FKBP15: variants seen among roughly 807,000 people sequenced by gnomAD.
The protein encoded by FKBP15 is FKBP prolyl isomerase family member 15.
FKBP15 carries 106 observed loss-of-function variants against 158.1 expected under a neutral mutation model. That is an observed-to-expected ratio of 0.67 (90% CI 0.57 to 0.79). FKBP15 has a LOEUF of 0.79. Ranked by LOEUF, FKBP15 falls within the 30% of genes least tolerant of loss-of-function variation. FKBP15 has a pLI of 0.00. For synonymous variants in FKBP15, 547 were observed against 548.6 expected, an observed-to-expected ratio of 1.00 and a Z score of 0.04; for missense variants, 1,287 against 1,479.1, an observed-to-expected ratio of 0.87 and a Z score of 2.13.
At position 113,184,654 on chromosome 9, in the gene FKBP15, C is replaced by T. The variant is rs371717818; in HGVS notation, c.1608+41G>A. 1.3e-6 allele frequency: 2 copies of T among 1,499,520 alleles called. No individual in the cohort carries two copies. The highest frequency in any genetic ancestry group is 1.4e-5 in the African/African-American group (1 of 72,844). 92.9% of individuals were successfully genotyped at this position (1,499,520 alleles called of 1,614,324 possible). A position where few individuals can be genotyped will look rare whatever the true frequency, so the allele number is the denominator to read the frequency against. On this transcript the variant is annotated intron_variant, in intron 16 of 27. Coordinates refer to ENST00000238256, the MANE Select transcript of FKBP15 (RefSeq NM_015258.2). The surrounding 1 kb of genome is among the most constrained non-coding windows in gnomAD (Gnocchi z 4.5). ...TACAGTTCTGGCTGCTCCCTGTTTACATCCCCACTTTCAACATCACCCCAA... is the reference window on the plus strand; with the variant it reads ...TACAGTTCTGGCTGCTCCCTGTTTATATCCCCACTTTCAACATCACCCCAA...
At position 113,184,444 on chromosome 9, in the gene FKBP15, GAAGA is replaced by G; in HGVS notation, c.1609-49_1609-46del. On this transcript the variant is annotated intron_variant, in intron 16 of 27. Transcript: ENST00000238256. The surrounding 1 kb of genome is among the most constrained non-coding windows in gnomAD (Gnocchi z 4.5). ...AAGACCTTGTGAGAAATTATAAAAT[GAAGA>G]AATACAATTTACCCAAGATTTGACC... 1 of 1,426,046 alleles carries G rather than the reference GAAGA, an allele frequency of 7.0e-7. No individual in the cohort carries two copies. The highest frequency in any genetic ancestry group is 9.7e-7 in the Non-Finnish European group (1 of 1,030,166). The allele number at this position is 1,426,046 out of a possible 1,614,324, so 88.3% of individuals were successfully genotyped here. A position where few individuals can be genotyped will look rare whatever the true frequency, so the allele number is the denominator to read the frequency against.
chr9:113,180,948 C>A (rs991891026), intron 19 of FKBP15, among the ~76,000 whole-genome samples: 1 of 152,188 alleles, frequency 6.6e-6, no homozygotes, highest in South Asian at 2.1e-4. Context: ...GGACCTTGCC[C>A]ATCTCCCTTT....
intron 14 of FKBP15, chr9:113,186,654 A>G (rs557335640): frequency 2.4e-4 from 70 of 297,596 alleles, no homozygotes; most frequent in Admixed American, 6.7e-4. Context: ...TTCATTCCCC[A>G]TTATCAGGCC....
At chr9:113,220,446 T>C (rs1195634216) in intron 1 of FKBP15, among the ~76,000 whole-genome samples, 1 of 152,208 alleles carries the variant, frequency 6.6e-6, no homozygotes, top group Non-Finnish European at 1.5e-5. Flanking sequence ...CAGGCTGGTA[T>C]ATATTAATAT....
At position 113,218,377 on chromosome 9, in the gene FKBP15, TTATATATA is replaced by T. The variant is rs10539484; in HGVS notation, c.53+2806_53+2813del. Among the ~76,000 whole-genome samples the T allele has an allele frequency of 2.5e-3, 252 of 101,490 alleles. 1 individual carries two copies. The highest frequency in any genetic ancestry group is 6.3e-3 in the African/African-American group (163 of 25,786). The allele number at this position is 101,490 out of a possible 152,430, so 66.6% of individuals were successfully genotyped here. ...ACCTCATAGAGAGGAGTAAATACAA[TTATATATA>T]TATATATATATATATATATATATAT... On this transcript the variant is annotated intron_variant, in intron 1 of 27. Coordinates refer to ENST00000238256, the MANE Select transcript of FKBP15 (RefSeq NM_015258.2).
intron 1 of FKBP15, among the ~76,000 whole-genome samples, chr9:113,213,270 G>A (rs768883516): frequency 2.6e-5 from 4 of 152,086 alleles, no homozygotes; most frequent in Non-Finnish European, 5.9e-5. Flanking sequence ...TTAGCCGGGC[G>A]TGGTGGCACG....
intron 23 of FKBP15, among the ~76,000 whole-genome samples, chr9:113,172,742 C>T (rs906071870): frequency 1.3e-5 from 2 of 152,192 alleles, no homozygotes; most frequent in African/African-American, 2.4e-5. Context: ...AAACATTCAG[C>T]ATTAACAGCA....
chr9:113,176,395 C>T (rs1587953451), intron 21 of FKBP15, 142 bp downstream of exon 21: 6 of 888,652 alleles, frequency 6.8e-6, no homozygotes, highest in South Asian at 5.8e-5. Context: ...GAGATTAGAG[C>T]GGGGAAAATT....
intron 6 of FKBP15, among the ~76,000 whole-genome samples, chr9:113,202,246 T>C (rs1830806023): frequency 6.6e-6 from 1 of 152,214 alleles, no homozygotes; most frequent in Non-Finnish European, 1.5e-5. Context: ...TTTTATTTAT[T>C]CCTTAAGATA....
chr9:113,170,587 C>T lies in FKBP15; in HGVS notation c.2701G>A (p.Glu901Lys). The change falls in exon 25 of 28, where the codon GAG (glutamate) becomes AAG (lysine). Residue 901 changes from glutamate (E) to lysine (K), a missense_variant. By Grantham distance (56) the Glu-to-Lys change is moderately conservative. Transcript: ENST00000238256. Reference sequence around the variant, plus strand: ...TTGTAAGATTCCTCCAGCTCAAACTCTCTCCGTAAGGACTGGAACACCTGG... The same window carrying T: ...TTGTAAGATTCCTCCAGCTCAAACTTTCTCCGTAAGGACTGGAACACCTGG... ...MNQVFQSLRR[E>K]FELEESYNGR... 6.2e-7 allele frequency: 1 copy of T among 1,613,904 alleles called. No individual in the cohort carries two copies. The highest frequency in any genetic ancestry group is 8.5e-7 in the Non-Finnish European group (1 of 1,179,790).
intron 27 of FKBP15, 148 bp from the exon 28 acceptor site, chr9:113,166,303 C>G (rs1434367903): frequency 1.3e-5 from 8 of 626,472 alleles, no homozygotes; most frequent in Non-Finnish European, 2.0e-5. Flanking sequence ...GGCCAGCAAA[C>G]CTAGGCTTCC....
At chr9:113,197,761 T>C (rs1003500892) in intron 8 of FKBP15, among the ~76,000 whole-genome samples, 1 of 152,224 alleles carries the variant, frequency 6.6e-6, no homozygotes, top group Non-Finnish European at 1.5e-5. Flanking sequence ...CATAAGGTTG[T>C]CAGAATTATC....
chr9:113,173,302 G>A (rs1239070215), intron 23 of FKBP15, 151 bp downstream of exon 23: 11 of 747,514 alleles, frequency 1.5e-5, no homozygotes, highest in Admixed American at 6.2e-5. Flanking sequence ...ACATAAGTAT[G>A]TGAAAGATAA....
At chr9:113,220,438 G>GGCTGGTATATATT (rs1454029031) in intron 1 of FKBP15, among the ~76,000 whole-genome samples, 2 of 152,164 alleles carry the variant, frequency 1.3e-5, no homozygotes, top group African/African-American at 4.8e-5. Flanking sequence ...TTCTATTCCA[G>GGCTGGTATATATT]GCTGGTATAT....
In FKBP15 at chr9:113,186,206, C is replaced by G. The variant is rs1337482337; in HGVS notation, c.1498+43G>C. The G allele has an allele frequency of 2.2e-6, 3 of 1,390,898 alleles. No homozygotes were observed. In the Admixed American group the frequency reaches 5.9e-5, roughly 27 times the overall value. The allele number at this position is 1,390,898 out of a possible 1,614,324, so 86.2% of individuals were successfully genotyped here. On this transcript the variant is annotated intron_variant, in intron 15 of 27. Transcript: ENST00000238256. Reference sequence around the variant, plus strand: ...AGGAGGAGCAAGAAGAGGGAAAGCACAGCAAGAGCGGAAGATGAGAAACTG... The same window carrying G: ...AGGAGGAGCAAGAAGAGGGAAAGCAGAGCAAGAGCGGAAGATGAGAAACTG...
At chr9:113,188,549 G>A in intron 12 of FKBP15, 58 bp from the exon 13 acceptor site, 1 of 1,393,712 alleles carries the variant, frequency 7.2e-7, no homozygotes, top group East Asian at 2.3e-5. Context: ...TGAAGACTGA[G>A]GCTGACTGTC....
intron 19 of FKBP15, 35 bp from the exon 20 acceptor site, chr9:113,178,836 A>G (rs759734123): frequency 2.6e-6 from 4 of 1,563,952 alleles, no homozygotes; most frequent in Non-Finnish European, 3.5e-6. Flanking sequence ...CACTTTAAAC[A>G]TAGGTGTTCT....
chr9:113,185,997 G>A (rs1830478864), intron 15 of FKBP15, among the ~76,000 whole-genome samples: 1 of 152,186 alleles, frequency 6.6e-6, no homozygotes, highest in Non-Finnish European at 1.5e-5. Context: ...AGGAAACATT[G>A]GGGGATGACG....
intron 1 of FKBP15, among the ~76,000 whole-genome samples, chr9:113,215,638 A>ATTTT (rs1564192803): frequency 1.8e-5 from 2 of 113,076 alleles, no homozygotes; most frequent in South Asian, 3.2e-4. Context: ...ATATATATAT[A>ATTTT]TATATATTTT....
Sources: allele counts gnomAD v4.1 joint callset (sites outside exome capture counted in the v4.1 genomes callset), GRCh38; gene constraint gnomAD v4.1.1; non-coding constraint Gnocchi (gnomAD v3.1); transcripts MANE v1.5; gene names NCBI Gene and HGNC (gene_info 2026-07-23, HGNC 2026-07-21).